KDM2B: variants seen among roughly 807,000 people sequenced by gnomAD.
KDM2B encodes lysine-specific demethylase 2B.
Under a neutral mutation model 150.0 loss-of-function variants are expected in KDM2B, and 26 were observed. That is an observed-to-expected ratio of 0.17 (90% CI 0.13 to 0.24). The LOEUF (loss-of-function observed/expected upper bound fraction) is 0.24. Among genes scored for constraint, KDM2B ranks in the 10% least tolerant of loss-of-function variants. The pLI is 1.00. For missense variants in KDM2B, 1,265 were observed against 1,816.9 expected (o/e 0.70, Z 5.52); for synonymous variants, 734 against 729.5 (o/e 1.01, Z -0.10).
In KDM2B at chr12:121,446,192, G is replaced by A. The variant is rs374658456; in HGVS notation, c.1960-774C>T. 5.6e-4 allele frequency among the ~76,000 whole-genome samples: 85 copies of A among 152,230 alleles called. No homozygotes were observed. The South Asian group carries it at 8.5e-3, about 15-fold the overall frequency. On this transcript the variant is annotated intron_variant, in intron 13 of 22. Coordinates refer to ENST00000377071, the MANE Select transcript of KDM2B (RefSeq NM_032590.5). Reference sequence around the variant, plus strand: ...GGGCGGATCACAAGGTCAGGAGATCGAGACCATCCCGGCTACCACGGTGAA... The same window carrying A: ...GGGCGGATCACAAGGTCAGGAGATCAAGACCATCCCGGCTACCACGGTGAA...
rs1555308061 is a variant in KDM2B, at chr12:121,532,786, G to A, written c.931+20C>T. On this transcript the variant is annotated intron_variant, in intron 8 of 22. Coordinates refer to ENST00000377071, the MANE Select transcript of KDM2B (RefSeq NM_032590.5). ...CCGCAGGAGACTCGAGGAGCCCAGA[G>A]AGTGCCCCTGGAAACCTACCGGAAG... 4 of 1,612,948 alleles carry A rather than the reference G, an allele frequency of 2.5e-6. No homozygotes were observed. The highest frequency in any genetic ancestry group is 1.1e-5 in the South Asian group (1 of 91,042).
At chr12:121,462,836 C>T (rs889646210) in intron 12 of KDM2B, among the ~76,000 whole-genome samples, 4 of 152,112 alleles carry the variant, frequency 2.6e-5, no homozygotes, top group African/African-American at 9.7e-5. Flanking sequence ...GGTGTGGTAG[C>T]TCACACCTGT....
rs1889286131 is a variant in KDM2B, at chr12:121,549,067, C to T, written c.577-84G>A. On this transcript the variant is annotated intron_variant, in intron 5 of 22. Coordinates refer to ENST00000377071, the MANE Select transcript of KDM2B (RefSeq NM_032590.5). The surrounding 1 kb of genome is among the most constrained non-coding windows in gnomAD (Gnocchi z 4.4). ...CCCCTTTCCCCGGAGAGTCCTTGGG[C>T]CCCCCCGCTCCCCCAATCTACTGTG... 5 of 1,020,678 alleles carry T rather than the reference C, an allele frequency of 4.9e-6. No homozygotes were observed. In the East Asian group the frequency reaches 7.5e-5, roughly 15 times the overall value. 63.2% of individuals were successfully genotyped at this position (1,020,678 alleles called of 1,614,324 possible).
At chr12:121,498,670 G>A (rs1028607673) in intron 11 of KDM2B, among the ~76,000 whole-genome samples, 1 of 151,916 alleles carries the variant, frequency 6.6e-6, no homozygotes, top group Non-Finnish European at 1.5e-5. Flanking sequence ...AATGTCTTAC[G>A]ATTTCTTGTC....
At chr12:121,506,552 G>A (rs1019344805) in intron 11 of KDM2B, among the ~76,000 whole-genome samples, 25 of 152,100 alleles carry the variant, frequency 1.6e-4, no homozygotes, top group Admixed American at 2.0e-4. Flanking sequence ...CTAAAGACAG[G>A]TAAGTTCTGG....
At chr12:121,421,488 G>A in the KDM2B span, among the ~76,000 whole-genome samples, 2,338 of 151,222 alleles carry the variant, frequency 0.015, 34 homozygotes, top group South Asian at 0.03. Context: ...GCAGGGAGCC[G>A]TGGTCATGCC....
intron 12 of KDM2B, among the ~76,000 whole-genome samples, chr12:121,489,496 G>A (rs1158932552): frequency 6.6e-6 from 1 of 152,114 alleles, no homozygotes; most frequent in African/African-American, 2.4e-5. Flanking sequence ...CTGGAGTACA[G>A]TGATGCAATC....
intron 12 of KDM2B, among the ~76,000 whole-genome samples, chr12:121,478,634 C>T (rs1314427036): frequency 2.0e-5 from 3 of 151,900 alleles, no homozygotes; most frequent in African/African-American, 7.3e-5. Flanking sequence ...GCTGGGATTA[C>T]AGGCGTGAGC....
At chr12:121,450,711 T>A (rs1352846717) in intron 13 of KDM2B, among the ~76,000 whole-genome samples, 1 of 151,962 alleles carries the variant, frequency 6.6e-6, no homozygotes, top group Non-Finnish European at 1.5e-5. Flanking sequence ...TGCAAAAAAA[T>A]TAGCCAGGCG....
intron 8 of KDM2B, among the ~76,000 whole-genome samples, chr12:121,525,556 A>C (rs1335292613): frequency 1.3e-5 from 2 of 152,122 alleles, no homozygotes; most frequent in Non-Finnish European, 2.9e-5. Context: ...ACGCCAGTAC[A>C]TTCCATGTGA....
chr12:121,415,484 C>T, the KDM2B span, among the ~76,000 whole-genome samples: 108 of 152,034 alleles, frequency 7.1e-4, no homozygotes, highest in Non-Finnish European at 1.0e-3. Context: ...AAGTGTGTGG[C>T]GTGTGCCTGT....
At chr12:121,558,989 C>T (rs564163555) in intron 4 of KDM2B, among the ~76,000 whole-genome samples, 41 of 152,344 alleles carry the variant, frequency 2.7e-4, no homozygotes, top group African/African-American at 8.7e-4. Flanking sequence ...CAGCTTTTCA[C>T]ATCACAGATG....
chr12:121,503,512 A>C (rs1593974929), intron 11 of KDM2B, among the ~76,000 whole-genome samples: 1 of 152,040 alleles, frequency 6.6e-6, no homozygotes, highest in East Asian at 1.9e-4. Context: ...GGGTCTCACT[A>C]TGTTGCCCAG....
At chr12:121,433,163 C>T (rs913241184) in intron 22 of KDM2B, 1 of 456,742 alleles carries the variant, frequency 2.2e-6, no homozygotes, top group East Asian at 6.9e-5. Context: ...TTGTGGTTCA[C>T]ATATTCCCCA....
intron 11 of KDM2B, among the ~76,000 whole-genome samples, chr12:121,504,132 G>C (rs1292369330): frequency 6.6e-6 from 1 of 152,146 alleles, no homozygotes; most frequent in Admixed American, 6.5e-5. Context: ...ACAATTCACT[G>C]TAGCCTCCAC....
At chr12:121,568,604 A>G (rs1890874431) in intron 4 of KDM2B, among the ~76,000 whole-genome samples, 1 of 152,152 alleles carries the variant, frequency 6.6e-6, no homozygotes, top group Admixed American at 6.5e-5. Context: ...GACATCCTCC[A>G]CGATTTCACT....
intron 12 of KDM2B, among the ~76,000 whole-genome samples, chr12:121,486,069 G>A (rs1566325852): frequency 6.6e-6 from 1 of 150,952 alleles, no homozygotes; most frequent in African/African-American, 2.4e-5. Context: ...GAGCCACCAT[G>A]CCCTGCCTGA....
intron 4 of KDM2B, among the ~76,000 whole-genome samples, chr12:121,570,719 T>G (rs1891030699): frequency 1.3e-5 from 2 of 152,276 alleles, no homozygotes; most frequent in South Asian, 4.1e-4. Flanking sequence ...ACACTGCTTA[T>G]GGGAGTGTAA....
intron 22 of KDM2B, among the ~76,000 whole-genome samples, chr12:121,432,171 C>A (rs1210220560): frequency 6.6e-6 from 1 of 152,022 alleles, no homozygotes; most frequent in Admixed American, 6.6e-5. Context: ...TGTGAGCCAC[C>A]GTGCCCGGCA....
Sources: gnomAD v4.1 joint callset for allele counts (sites outside exome capture counted in the v4.1 genomes callset) on GRCh38, gnomAD v4.1.1 for gene constraint, Gnocchi (gnomAD v3.1) non-coding constraint, MANE v1.5 for transcripts, NCBI Gene and HGNC (gene_info 2026-07-23, HGNC 2026-07-21) for gene names.